The following NEDD4 variants were observed in gnomAD, a reference collection of about 807,000 sequenced individuals.
NEDD4 encodes the protein NEDD4 E3 ubiquitin protein ligase, also known as E3 ubiquitin-protein ligase NEDD4.
A neutral mutation model predicts 144.9 loss-of-function variants in NEDD4; 99 were observed. The ratio of observed to expected loss-of-function variants is 0.68; its 90% confidence interval spans 0.58 to 0.81. The LOEUF (loss-of-function observed/expected upper bound fraction) is 0.81. Among genes scored for constraint, NEDD4 ranks in the 30% least tolerant of loss-of-function variants. NEDD4 has a pLI of 0.00. For missense variants in NEDD4, 985 were observed against 1,065.9 expected (o/e 0.92, Z 1.06); for synonymous variants, 318 against 350.6 (o/e 0.91, Z 1.04).
chr15:55,915,786 G>A (rs777115663), intron 5 of NEDD4: 9 of 1,613,438 alleles, frequency 5.6e-6, no homozygotes, highest in South Asian at 5.5e-5. Context: ...CTTCTGTAAC[G>A]AGCCCTTCCT....
chr15:55,830,871 T>TA (rs1231829841), intron 27 of NEDD4, among the ~76,000 whole-genome samples: 3 of 152,142 alleles, frequency 2.0e-5, no homozygotes, highest in Admixed American at 6.5e-5. Context: ...GGCTAACTGT[T>TA]AAAAAAATTC....
At chr15:55,832,000 A>G (rs1372333993) in intron 27 of NEDD4, among the ~76,000 whole-genome samples, 1 of 152,206 alleles carries the variant, frequency 6.6e-6, no homozygotes, top group African/African-American at 2.4e-5. Flanking sequence ...CTTTTAAACA[A>G]AACACACTTC....
chr15:55,868,703 T>C (rs1329849715), intron 8 of NEDD4, among the ~76,000 whole-genome samples: 1 of 152,228 alleles, frequency 6.6e-6, no homozygotes, highest in Non-Finnish European at 1.5e-5. Flanking sequence ...CAGTCTCTGA[T>C]ATTTCTTCAC....
intron 1 of NEDD4, among the ~76,000 whole-genome samples, chr15:55,984,293 C>A (rs1347643773): frequency 6.6e-6 from 1 of 152,100 alleles, no homozygotes; most frequent in African/African-American, 2.4e-5. Flanking sequence ...GTGGAAGGAC[C>A]AAGTGTTTGT....
rs1294955180 is a variant in NEDD4, at chr15:55,837,948, A to C, written c.2202-99T>G. On this transcript the variant is annotated intron_variant, in intron 23 of 28. Transcript: ENST00000435532. Reference sequence around the variant, plus strand: ...CAAAAACTAAAGGCTAGCTGAGACCAAGGTAAAAGCTGAATATGAGTGCTT... The same window carrying C: ...CAAAAACTAAAGGCTAGCTGAGACCCAGGTAAAAGCTGAATATGAGTGCTT... The C allele has an allele frequency of 1.7e-5, 18 of 1,039,598 alleles. No homozygotes were observed. In the African/African-American group the frequency reaches 2.9e-4, roughly 17 times the overall value. The allele number at this position is 1,039,598 out of a possible 1,614,324, so 64.4% of individuals were successfully genotyped here.
At chr15:55,840,983 G>C (rs1400296086) in intron 19 of NEDD4, among the ~76,000 whole-genome samples, 9 of 152,036 alleles carry the variant, frequency 5.9e-5, no homozygotes, top group African/African-American at 2.2e-4. Context: ...GCCCAGGCTG[G>C]AGTGCAATGA....
intron 13 of NEDD4, 131 bp downstream of exon 13, chr15:55,852,293 C>G: frequency 9.3e-7 from 1 of 1,077,910 alleles, no homozygotes; most frequent in Non-Finnish European, 1.3e-6. Context: ...GAGACTCCAT[C>G]TCAAAAAAAT....
chr15:55,947,212 T>A (rs1238374668), intron 4 of NEDD4, among the ~76,000 whole-genome samples: 2 of 151,952 alleles, frequency 1.3e-5, no homozygotes, highest in African/African-American at 4.8e-5. Context: ...AATCAATGAA[T>A]CCAGGAGGTA....
chr15:55,958,277 G>A (rs1401558111), intron 2 of NEDD4, among the ~76,000 whole-genome samples: 1 of 152,202 alleles, frequency 6.6e-6, no homozygotes, highest in Non-Finnish European at 1.5e-5. Flanking sequence ...CATGCCAAGT[G>A]AAATGACCAT....
chr15:55,862,191 G>C (rs749411345), intron 9 of NEDD4, among the ~76,000 whole-genome samples: 27 of 151,926 alleles, frequency 1.8e-4, no homozygotes, highest in South Asian at 4.1e-4. Context: ...GCATATATCA[G>C]GCACAAAATA....
chr15:55,890,312 A>G (rs182302770), intron 5 of NEDD4, among the ~76,000 whole-genome samples: 3 of 152,278 alleles, frequency 2.0e-5, no homozygotes, highest in Admixed American at 1.3e-4. Flanking sequence ...GAACATTTTC[A>G]TCACCCAAAA....
At chr15:55,978,658 C>T (rs2037744959) in intron 1 of NEDD4, among the ~76,000 whole-genome samples, 1 of 152,178 alleles carries the variant, frequency 6.6e-6, no homozygotes, top group Non-Finnish European at 1.5e-5. Context: ...GACCAGGGCT[C>T]TTCACTAAAG....
intron 4 of NEDD4, among the ~76,000 whole-genome samples, chr15:55,931,419 T>C (rs1566957289): frequency 6.6e-6 from 1 of 152,198 alleles, no homozygotes; most frequent in Non-Finnish European, 1.5e-5. Context: ...GCAAATTCTT[T>C]CACAAGATTT....
intron 5 of NEDD4, among the ~76,000 whole-genome samples, chr15:55,874,328 G>A (rs1368651902): frequency 6.6e-6 from 1 of 152,052 alleles, no homozygotes; most frequent in Admixed American, 6.6e-5. Context: ...ACTACACTAG[G>A]TAAGATTCAG....
At chr15:55,962,269 A>AT (rs1368923051) in intron 2 of NEDD4, among the ~76,000 whole-genome samples, 2 of 152,160 alleles carry the variant, frequency 1.3e-5, no homozygotes, top group African/African-American at 2.4e-5. Flanking sequence ...ATGTCTTTAT[A>AT]TTTTAAGTGC....
At chr15:55,948,180 A>C (rs537407479) in intron 4 of NEDD4, among the ~76,000 whole-genome samples, 3 of 152,344 alleles carry the variant, frequency 2.0e-5, no homozygotes, top group South Asian at 2.1e-4. Flanking sequence ...GAGCCAAATC[A>C]TGAGTGAACT....
chr15:55,961,285 C>T (rs1183082408), intron 2 of NEDD4, among the ~76,000 whole-genome samples: 2 of 151,840 alleles, frequency 1.3e-5, no homozygotes, highest in Non-Finnish European at 2.9e-5. Flanking sequence ...CAGCCACTCT[C>T]ATGTGAGAGA....
chr15:55,846,122 T>C (rs1432170297), intron 18 of NEDD4, among the ~76,000 whole-genome samples: 1 of 152,144 alleles, frequency 6.6e-6, no homozygotes, highest in Non-Finnish European at 1.5e-5. Flanking sequence ...TTAGAAAGTT[T>C]ATGATATTTA....
intron 1 of NEDD4, among the ~76,000 whole-genome samples, chr15:55,986,756 AT>A (rs35732139): frequency 1.7e-4 from 24 of 144,322 alleles, no homozygotes; most frequent in Admixed American, 2.8e-4. Flanking sequence ...CACCCGGCTA[AT>A]TTTTTTTTTT....
Sources: allele counts gnomAD v4.1 joint callset (sites outside exome capture counted in the v4.1 genomes callset), GRCh38; gene constraint gnomAD v4.1.1; transcripts MANE v1.5; gene names NCBI Gene and HGNC (gene_info 2026-07-23, HGNC 2026-07-21).